Variants in CHST3 observed in about 807,000 individuals in gnomAD.
CHST3 encodes the protein C6ST-1.
In CHST3, 20 loss-of-function variants were observed where a neutral mutation model predicts 35.4. That is an observed-to-expected ratio of 0.57 (90% CI 0.40 to 0.82). CHST3 has a LOEUF of 0.82. CHST3 is among the 40% of genes least tolerant of loss of function. The probability of loss-of-function intolerance (pLI) is 0.00; values close to 1 mark genes in which losing one functional copy is unlikely to be tolerated. For missense variants in CHST3, 693 were observed against 670.1 expected, an observed-to-expected ratio of 1.03 and a Z score of -0.38; for synonymous variants, 334 against 295.9, an observed-to-expected ratio of 1.13 and a Z score of -1.32.
chr10:71,988,723 T>A (rs182498312), intron 1 of CHST3, among the ~76,000 whole-genome samples: 64 of 152,292 alleles, frequency 4.2e-4, no homozygotes, highest in Non-Finnish European at 7.5e-4. Context: ...AACAGCCTAA[T>A]ACACCCTATC....
rs1026950461 is a variant in CHST3 at position 72,008,012 on chromosome 10, C to T, written c.981C>T (p.Asp327=). 3.9e-6 allele frequency: 6 copies of T among 1,549,512 alleles called. No homozygotes were observed. The highest frequency in any genetic ancestry group is 1.4e-5 in the African/African-American group (1 of 73,142). ...KYKTWKKWLD[D]EGQDGLREEE... is the part of the protein sequence containing the mutation. ...AGACCTGGAAGAAGTGGCTGGACGA[C>T]GAGGGCCAGGACGGCCTGAGGGAAG... The change falls in exon 3 of 3, where the codon GAC becomes GAT. Residue 327 remains aspartate (D), a synonymous_variant. Coordinates refer to ENST00000373115, the MANE Select transcript of CHST3 (RefSeq NM_004273.5).
chr10:72,001,751 G>A (rs1392296101), intron 1 of CHST3, among the ~76,000 whole-genome samples: 3 of 152,130 alleles, frequency 2.0e-5, no homozygotes, highest in East Asian at 1.9e-4. Context: ...GATTACAGGC[G>A]TGAACCATCG....
intron 2 of CHST3, 58 bp downstream of exon 2, chr10:72,006,040 G>A: frequency 3.2e-6 from 5 of 1,563,270 alleles, no homozygotes; most frequent in Non-Finnish European, 4.4e-6. Flanking sequence ...GGTGGGGACA[G>A]GGAGGTAACT....
intron 1 of CHST3, among the ~76,000 whole-genome samples, chr10:71,972,728 T>C (rs1839707593): frequency 6.6e-6 from 1 of 152,204 alleles, no homozygotes; most frequent in South Asian, 2.1e-4. Flanking sequence ...CGGTATCCCA[T>C]GTTCCAAATT....
At chr10:71,968,205 C>T (rs1162286784) in intron 1 of CHST3, among the ~76,000 whole-genome samples, 1 of 152,088 alleles carries the variant, frequency 6.6e-6, no homozygotes, top group Non-Finnish European at 1.5e-5. Flanking sequence ...GATGGTATCT[C>T]ATTGTGGTTT....
At chr10:71,984,775 C>A (rs1370777914) in intron 1 of CHST3, among the ~76,000 whole-genome samples, 1 of 152,208 alleles carries the variant, frequency 6.6e-6, no homozygotes, top group Non-Finnish European at 1.5e-5. Flanking sequence ...GTACTTGGAA[C>A]AATTCCTTGT....
intron 1 of CHST3, among the ~76,000 whole-genome samples, chr10:71,974,550 AG>A (rs1839726967): frequency 1.3e-5 from 2 of 152,282 alleles, no homozygotes; most frequent in African/African-American, 4.8e-5. Context: ...TCCCTGGGGC[AG>A]GGTGGAGACG....
intron 1 of CHST3, among the ~76,000 whole-genome samples, chr10:71,971,091 C>T (rs539657823): frequency 6.6e-6 from 1 of 152,286 alleles, no homozygotes; most frequent in African/African-American, 2.4e-5. Flanking sequence ...AAACCAGGCA[C>T]CCGGTTAGAA....
intron 1 of CHST3, among the ~76,000 whole-genome samples, chr10:71,977,395 C>A (rs1288726899): frequency 6.6e-6 from 1 of 151,882 alleles, no homozygotes; most frequent in East Asian, 1.9e-4. Flanking sequence ...GGTGATCTGA[C>A]CAAACTATGC....
rs569838438 is a variant in CHST3 at position 71,970,830 on chromosome 10, G to A, written c.-108+6136G>A. Among the ~76,000 whole-genome samples the A allele has an allele frequency of 9.9e-5, 15 of 152,276 alleles. No homozygotes were observed. The South Asian group carries it at 1.7e-3, about 17-fold the overall frequency. ...TGGATAGACCAAAGCTAATTTTCCC[G>A]TTATGTCTCTCCAAGACGGGGCCTA... On this transcript the variant is annotated intron_variant, in intron 1 of 2. Coordinates refer to ENST00000373115, the MANE Select transcript of CHST3 (RefSeq NM_004273.5).
intron 1 of CHST3, among the ~76,000 whole-genome samples, chr10:72,002,172 A>G (rs1262942066): frequency 2.0e-5 from 3 of 152,214 alleles, no homozygotes; most frequent in African/African-American, 4.8e-5. Flanking sequence ...AAGGGAGCCA[A>G]CAGCCTGCCT....
chr10:71,987,406 C>A (rs1839858551), intron 1 of CHST3, among the ~76,000 whole-genome samples: 1 of 152,112 alleles, frequency 6.6e-6, no homozygotes, highest in Non-Finnish European at 1.5e-5. Flanking sequence ...GATTCAAATT[C>A]TGTTGCCACT....
chr10:72,001,154 T>C (rs958199415), intron 1 of CHST3, among the ~76,000 whole-genome samples: 7 of 152,186 alleles, frequency 4.6e-5, no homozygotes, highest in Admixed American at 4.6e-4. Flanking sequence ...TTGGGCTGGC[T>C]CTGCCCAGGG....
intron 1 of CHST3, among the ~76,000 whole-genome samples, chr10:71,968,278 T>G (rs946772578): frequency 6.6e-6 from 1 of 152,234 alleles, no homozygotes; most frequent in Non-Finnish European, 1.5e-5. Context: ...GTTGGACACA[T>G]GTATGTCTTC....
chr10:71,987,358 A>G (rs987009819), intron 1 of CHST3, among the ~76,000 whole-genome samples: 1 of 152,100 alleles, frequency 6.6e-6, no homozygotes, highest in African/African-American at 2.4e-5. Context: ...CCTGCTGTCA[A>G]TGGGACCATT....
chr10:72,004,702 A>C (rs1415688220), intron 1 of CHST3, among the ~76,000 whole-genome samples: 1 of 151,818 alleles, frequency 6.6e-6, no homozygotes, highest in African/African-American at 2.4e-5. Context: ...CCGCATCTAT[A>C]TTTTCTTCCC....
rs995350964 is a variant in CHST3 at position 72,008,472 on chromosome 10, G to C, written c.*1G>C. The C allele has an allele frequency of 7.2e-6, 11 of 1,533,194 alleles. No individual in the cohort carries two copies. The highest frequency in any genetic ancestry group is 2.5e-5 in the South Asian group (2 of 81,230). The allele number at this position is 1,533,194 out of a possible 1,614,324, so 95.0% of individuals were successfully genotyped here. On this transcript the variant is annotated 3_prime_UTR_variant, in exon 3 of 3. Transcript: ENST00000373115. ...GAGGGGCACCTTCTGGGTCACGTAG[G>C]GGGGCCGGGGCCCCGTATGCCCCTC... is the stretch of plus-strand genomic sequence containing the variant.
chr10:71,975,821 A>C (rs1839739696), intron 1 of CHST3, among the ~76,000 whole-genome samples: 1 of 152,226 alleles, frequency 6.6e-6, no homozygotes, highest in African/African-American at 2.4e-5. Flanking sequence ...GCTGGAGTGG[A>C]GGGGCCAGTG....
At chr10:71,996,123 C>T (rs910551638) in intron 1 of CHST3, among the ~76,000 whole-genome samples, 2 of 152,130 alleles carry the variant, frequency 1.3e-5, no homozygotes, top group Non-Finnish European at 2.9e-5. Flanking sequence ...AATGGATTGG[C>T]AGCAGTTCTG....
Sources: gnomAD v4.1 joint callset for allele counts (sites outside exome capture counted in the v4.1 genomes callset) on GRCh38, gnomAD v4.1.1 for gene constraint, MANE v1.5 for transcripts, NCBI Gene and HGNC (gene_info 2026-07-23, HGNC 2026-07-21) for gene names.